Variants in SERHL2 observed in about 807,000 individuals in gnomAD.
SERHL2 encodes serine hydrolase-like protein 2.
A neutral mutation model predicts 25.5 loss-of-function variants in SERHL2; 29 were observed. The ratio of observed to expected loss-of-function variants is 1.14; its 90% CI spans 0.85 to 1.55. SERHL2 has a LOEUF of 1.55. SERHL2 is among the 40% of genes most tolerant of loss of function. SERHL2 has a pLI of 0.00. For synonymous variants in SERHL2, 95 were observed against 103.5 expected (o/e 0.92, Z 0.50); for missense variants, 240 against 252.3 (o/e 0.95, Z 0.33).
chr22:42,560,204 C>T lies in SERHL2; in HGVS notation c.552C>T (p.Ser184=). 1 of 1,612,624 alleles carries T rather than the reference C, an allele frequency of 6.2e-7. No homozygotes were observed. The highest frequency in any genetic ancestry group is 8.5e-7 in the Non-Finnish European group (1 of 1,178,900). Residue 184 remains serine, a synonymous_variant, in exon 8 of 12, where the codon AGC becomes AGT. Transcript: ENST00000327678. ...QLLQRLLKSN[S]HLSEECGELL... The stretch of plus-strand genomic sequence containing the variant: ...CCCCCAGGTTACTGAAGAGCAATAG[C>T]CACTTGAGTGAGGAGTGCGGGGAGC...
intron 7 of SERHL2, among the ~76,000 whole-genome samples, chr22:42,559,401 G>A (rs1922384680): frequency 6.6e-6 from 1 of 151,410 alleles, no homozygotes; most frequent in Admixed American, 6.6e-5. Context: ...GTGAGACCCT[G>A]TCTCAATTAG....
intron 8 of SERHL2, among the ~76,000 whole-genome samples, chr22:42,565,917 G>A (rs1033537431): frequency 2.6e-5 from 4 of 151,902 alleles, no homozygotes; most frequent in African/African-American, 7.2e-5. Context: ...GCAGTGGCAC[G>A]ATCTCAGCTC....
chr22:42,561,739 T>C (rs1400897027), intron 8 of SERHL2, among the ~76,000 whole-genome samples: 1 of 151,838 alleles, frequency 6.6e-6, no homozygotes, highest in Non-Finnish European at 1.5e-5. Context: ...GAGCGGCACC[T>C]GTGGGCTGTT....
chr22:42,556,463 T>C (rs1187241476), intron 5 of SERHL2, 51 bp from the exon 6 acceptor site: 4 of 1,611,358 alleles, frequency 2.5e-6, no homozygotes, highest in Non-Finnish European at 3.4e-6. Flanking sequence ...AAGGCGGGAG[T>C]GTCCTTTCCT....
At chr22:42,562,747 G>C (rs1601838671) in intron 8 of SERHL2, among the ~76,000 whole-genome samples, 2 of 151,938 alleles carry the variant, frequency 1.3e-5, no homozygotes, top group South Asian at 4.1e-4. Context: ...GTGCAGGATG[G>C]GGAGAGAGCA....
At chr22:42,562,253 C>T (rs1355462982) in intron 8 of SERHL2, among the ~76,000 whole-genome samples, 3 of 151,782 alleles carry the variant, frequency 2.0e-5, no homozygotes, top group Non-Finnish European at 4.4e-5. Flanking sequence ...CCCCAGGGCC[C>T]CTGAGAGTTC....
At chr22:42,572,935 G>A (rs1197718532) in intron 11 of SERHL2, 1 of 159,802 alleles carries the variant, frequency 6.3e-6, no homozygotes, top group Non-Finnish European at 1.3e-5. Flanking sequence ...CTCCCGAAGT[G>A]CTGGTTTTGT....
intron 8 of SERHL2, chr22:42,565,018 G>T (rs1458272446): frequency 1.3e-5 from 2 of 152,128 alleles, no homozygotes; most frequent in African/African-American, 4.8e-5. Context: ...TTTCACCTGG[G>T]TGCAGGCGGG....
Position 42,574,334 on chromosome 22 carries a change from T to A in SERHL2, c.*279T>A. On this transcript the variant is annotated 3_prime_UTR_variant, in exon 12 of 12. Transcript: ENST00000327678. ...AAGGGCAGGCTGGGCCCACCTAGCC[T>A]TTCCCTGCTGCCCAACTGGATGGAA... is the stretch of plus-strand genomic sequence containing the variant. 2 of 526,188 alleles carry A rather than the reference T, an allele frequency of 3.8e-6. No homozygotes were observed. Among genetic ancestry groups the A allele is most frequent in the South Asian group, 4.7e-5 (2 of 42,820 alleles). 32.6% of individuals were successfully genotyped at this position (526,188 alleles called of 1,614,324 possible). A position where few individuals can be genotyped will look rare whatever the true frequency, so the allele number is the denominator to read the frequency against.
Position 42,573,988 on chromosome 22 carries a change from C to T in SERHL2, c.878C>T (p.Pro293Leu), listed in dbSNP as rs758326909. ...AATCACTGTGTCCACATGAGCGAAC[C>T]CCAGCACGTGGCCAGTATCATCAGC... is the stretch of plus-strand genomic sequence containing the variant. ...PGNHCVHMSE[P>L]QHVASIISSF... Residue 293 changes from proline to leucine, a missense_variant, in exon 12 of 12, where the codon CCC becomes CTC. By Grantham distance (98) the Pro-to-Leu change is moderately conservative. This residue lies in a region of SERHL2 where 212 missense variants were observed against 168.9 expected (regional missense o/e 1.25). Coordinates refer to ENST00000327678, the MANE Select transcript of SERHL2 (RefSeq NM_014509.5). 11 of 1,611,312 alleles carry T rather than the reference C, an allele frequency of 6.8e-6. No homozygotes were observed. The East Asian group carries it at 2.2e-4, about 33-fold the overall frequency.
chr22:42,566,343 G>A lies in SERHL2; in HGVS notation c.648+5G>A. The A allele has an allele frequency of 6.2e-7, 1 of 1,611,466 alleles. No homozygotes were observed. Among genetic ancestry groups the A allele is most frequent in the South Asian group, 1.1e-5 (1 of 91,058 alleles). On this transcript the variant is annotated splice_donor_5th_base_variant and intron_variant, in intron 9 of 11. Coordinates refer to ENST00000327678, the MANE Select transcript of SERHL2 (RefSeq NM_014509.5). ...AGAGACCAGAGGCTCGCCTGGGTGAGTACCACTGCCTCCGGGTCCCCCGCC... is the reference window on the plus strand; with the variant it reads ...AGAGACCAGAGGCTCGCCTGGGTGAATACCACTGCCTCCGGGTCCCCCGCC...
chr22:42,560,305 A>G (rs1255833277), intron 8 of SERHL2, 40 bp downstream of exon 8: 1 of 1,453,986 alleles, frequency 6.9e-7, no homozygotes, highest in Non-Finnish European at 9.7e-7. Flanking sequence ...TATATTTGTC[A>G]CTATTCTTAC....
At position 42,573,956 on chromosome 22, in the gene SERHL2, C is replaced by G; in HGVS notation, c.846C>G (p.Val282=). 6.7e-7 allele frequency: 1 copy of G among 1,482,424 alleles called. No homozygotes were observed. Among genetic ancestry groups the G allele is most frequent in the Non-Finnish European group, 9.3e-7 (1 of 1,074,842 alleles). 91.8% of individuals were successfully genotyped at this position (1,482,424 alleles called of 1,614,324 possible). A position where few individuals can be genotyped will look rare whatever the true frequency, so the allele number is the denominator to read the frequency against. ...TCCAGCAGTTCCAGTTTGTGGAAGTCCCAGGCAATCACTGTGTCCACATGA... is the reference window on the plus strand; with the variant it reads ...TCCAGCAGTTCCAGTTTGTGGAAGTGCCAGGCAATCACTGTGTCCACATGA... ...TLKEQFQFVE[V]PGNHCVHMSE... The change falls in exon 12 of 12, where the codon GTC becomes GTG. Residue 282 remains valine (V), a synonymous_variant. Transcript: ENST00000327678.
At chr22:42,573,409 A>T (rs1190485517) in intron 11 of SERHL2, 1 of 152,050 alleles carries the variant, frequency 6.6e-6, no homozygotes, top group African/African-American at 2.4e-5. Flanking sequence ...ACGCCCGGCT[A>T]ATTTTTTGTA....
rs146353799 is a variant in SERHL2, at chr22:42,560,222, C to T, written c.570C>T (p.Cys190=). The T allele has an allele frequency of 2.9e-5, 46 of 1,612,946 alleles. No individual in the cohort carries two copies. The African/African-American group carries it at 3.5e-4, about 12-fold the overall frequency. Residue 190 remains cysteine (C), a synonymous_variant, in exon 8 of 12, where the codon TGC becomes TGT. Transcript: ENST00000327678. ...LKSNSHLSEE[C]GELLLQRGTT... ...GCAATAGCCACTTGAGTGAGGAGTG[C>T]GGGGAGCTTCTCCTGCAAAGAGGAA...
chr22:42,573,648 C>G (rs184939377), intron 11 of SERHL2: 114 of 417,162 alleles, frequency 2.7e-4, no homozygotes, highest in Non-Finnish European at 4.0e-4. Flanking sequence ...TCTTCTGATA[C>G]AATCACAGCA....
chr22:42,559,043 A>G (rs1271112002), intron 7 of SERHL2, among the ~76,000 whole-genome samples: 2 of 58,792 alleles, frequency 3.4e-5, no homozygotes, highest in Non-Finnish European at 2.8e-5. Context: ...GCCCCACCAC[A>G]CGCACGCGCA....
At chr22:42,567,879 A>T (rs1391829772) in intron 9 of SERHL2, among the ~76,000 whole-genome samples, 5 of 151,142 alleles carry the variant, frequency 3.3e-5, no homozygotes, top group Non-Finnish European at 7.4e-5. Context: ...ACAGGCACCC[A>T]CCACCACACC....
intron 8 of SERHL2, among the ~76,000 whole-genome samples, chr22:42,564,206 C>T (rs1365590278): frequency 6.6e-6 from 1 of 151,564 alleles, no homozygotes; most frequent in East Asian, 1.9e-4. Flanking sequence ...TACATTGGAT[C>T]CTTATCTAGT....
Sources: allele counts gnomAD v4.1 joint callset (sites outside exome capture counted in the v4.1 genomes callset), GRCh38; gene constraint gnomAD v4.1.1; regional missense constraint gnomAD v4.1.1; transcripts MANE v1.5; gene names NCBI Gene and HGNC (gene_info 2026-07-23, HGNC 2026-07-21).